TTC23: variants seen among roughly 807,000 people sequenced by gnomAD.
The protein encoded by TTC23 is tetratricopeptide repeat protein 23.
Under a neutral mutation model 55.1 loss-of-function variants are expected in TTC23, and 58 were observed. That is an observed-to-expected ratio of 1.05 (90% CI 0.85 to 1.31). TTC23 has a LOEUF of 1.31. Ranked by LOEUF, TTC23 falls within the 50% of genes most tolerant of loss-of-function variation. The pLI is 0.00. For missense variants in TTC23, 516 were observed against 534.4 expected (o/e 0.97, Z 0.34); for synonymous variants, 203 against 199.9 (o/e 1.02, Z -0.13).
At chr15:99,148,763 G>C (rs957158086) in intron 12 of TTC23, 1 of 152,212 alleles carries the variant, frequency 6.6e-6, no homozygotes, top group Non-Finnish European at 1.5e-5. Context: ...AGGTTTCTAT[G>C]TTGTACAAGT....
At chr15:99,232,478 C>CA (rs770961662) in intron 4 of TTC23, among the ~76,000 whole-genome samples, 1,529 of 98,396 alleles carry the variant, frequency 0.016, 19 homozygotes, top group African/African-American at 0.048. Context: ...GACTCCATCT[C>CA]AAAAAAAAAA....
intron 10 of TTC23, among the ~76,000 whole-genome samples, chr15:99,165,791 C>G (rs889083324): frequency 3.9e-5 from 6 of 152,148 alleles, no homozygotes; most frequent in Admixed American, 2.0e-4. Flanking sequence ...ACTTTGGCTA[C>G]TTTGATAATC....
intron 3 of TTC23, among the ~76,000 whole-genome samples, chr15:99,236,194 A>G (rs926600272): frequency 6.6e-6 from 1 of 152,094 alleles, no homozygotes; most frequent in Non-Finnish European, 1.5e-5. Flanking sequence ...TTATGTTTTT[A>G]GTTTTTGGAG....
chr15:99,206,871 T>A (rs1036086354), intron 8 of TTC23, among the ~76,000 whole-genome samples: 1 of 152,178 alleles, frequency 6.6e-6, no homozygotes, highest in Non-Finnish European at 1.5e-5. Context: ...CTTGATTTTC[T>A]AGTTCCTTAT....
intron 12 of TTC23, among the ~76,000 whole-genome samples, chr15:99,153,118 T>C (rs2070061512): frequency 6.6e-6 from 1 of 152,254 alleles, no homozygotes; most frequent in Non-Finnish European, 1.5e-5. Context: ...TCTTACTATA[T>C]GGAGGTGACA....
intron 9 of TTC23, 104 bp from the exon 10 acceptor site, chr15:99,175,259 G>T (rs1205465565): frequency 2.3e-6 from 2 of 874,114 alleles, no homozygotes; most frequent in Non-Finnish European, 3.6e-6. Context: ...GAACTTTCCA[G>T]CAAGCTAGAA....
At chr15:99,148,222 A>G (rs1232154837) in intron 12 of TTC23, among the ~76,000 whole-genome samples, 1 of 151,808 alleles carries the variant, frequency 6.6e-6, no homozygotes, top group Non-Finnish European at 1.5e-5. Flanking sequence ...TTAGCCAGGC[A>G]TGGTGGCACA....
chr15:99,218,863 A>G, intron 7 of TTC23, 35 bp downstream of exon 7: 1 of 1,603,892 alleles, frequency 6.2e-7, no homozygotes, highest in South Asian at 1.1e-5. Context: ...CGTGAATAGT[A>G]TTTCTATTTG....
chr15:99,227,842 C>T lies in TTC23; in HGVS notation c.180+691G>A, dbSNP rs555442561. ...AAGCACTGTTTACCAGTGCAGTCTA[C>T]GTAACTCCCATCCGAAGAAAGTGTG... is the stretch of plus-strand genomic sequence containing the variant. On this transcript the variant is annotated intron_variant, in intron 5 of 13. Coordinates refer to ENST00000394132, the MANE Select transcript of TTC23 (RefSeq NM_001288615.3). Among the ~76,000 whole-genome samples, 8 of 152,332 alleles carry T rather than the reference C, an allele frequency of 5.3e-5. No individual in the cohort carries two copies. The South Asian group carries it at 1.7e-3, about 32-fold the overall frequency.
At chr15:99,207,960 T>C (rs765283573) in intron 8 of TTC23, among the ~76,000 whole-genome samples, 16 of 152,212 alleles carry the variant, frequency 1.1e-4, no homozygotes, top group Non-Finnish European at 1.8e-4. Context: ...CCTGGGAATA[T>C]ACCTCAGAGA....
chr15:99,162,752 G>A (rs923139500), intron 10 of TTC23, among the ~76,000 whole-genome samples: 1 of 152,118 alleles, frequency 6.6e-6, no homozygotes, highest in African/African-American at 2.4e-5. Flanking sequence ...CTCCTGAGAT[G>A]AGCTTATGTT....
chr15:99,161,665 G>A (rs1249633752), intron 11 of TTC23, 75 bp downstream of exon 11: 2 of 1,516,696 alleles, frequency 1.3e-6, no homozygotes, highest in Non-Finnish European at 1.8e-6. Flanking sequence ...CTTAATGGAT[G>A]CTTGCAGAGT....
chr15:99,139,903 G>C (rs1295193165), intron 12 of TTC23: 2 of 453,016 alleles, frequency 4.4e-6, no homozygotes, highest in Non-Finnish European at 7.3e-6. Context: ...GCTTTGGCTT[G>C]ATTTCTCCCT....
intron 3 of TTC23, among the ~76,000 whole-genome samples, chr15:99,235,392 G>C (rs866168238): frequency 2.8e-5 from 4 of 141,580 alleles, no homozygotes; most frequent in Non-Finnish European, 4.5e-5. Context: ...TTGTTTTTGA[G>C]ACGGAGTCTT....
At chr15:99,238,324 T>C (rs536443619) in intron 3 of TTC23, among the ~76,000 whole-genome samples, 11 of 152,190 alleles carry the variant, frequency 7.2e-5, no homozygotes, top group African/African-American at 2.4e-4. Context: ...CTACAAACAA[T>C]GCACCAGGCT....
intron 9 of TTC23, among the ~76,000 whole-genome samples, chr15:99,191,111 G>C (rs1042363507): frequency 7.2e-5 from 11 of 151,996 alleles, no homozygotes; most frequent in African/African-American, 2.4e-4. Context: ...AGCTCAACTG[G>C]GACCTGGGGA....
chr15:99,179,537 T>C (rs902066363), intron 9 of TTC23, among the ~76,000 whole-genome samples: 17 of 152,366 alleles, frequency 1.1e-4, no homozygotes, highest in African/African-American at 3.8e-4. Flanking sequence ...AAGTTCTTGA[T>C]TGAACTCCAT....
chr15:99,195,808 G>C (rs1215070702), intron 9 of TTC23, among the ~76,000 whole-genome samples: 1 of 151,602 alleles, frequency 6.6e-6, no homozygotes, highest in Non-Finnish European at 1.5e-5. Context: ...ATGCATGGTG[G>C]GGGGCAGGGG....
At chr15:99,213,211 T>G (rs2077185404) in intron 8 of TTC23, among the ~76,000 whole-genome samples, 1 of 152,152 alleles carries the variant, frequency 6.6e-6, no homozygotes, top group Admixed American at 6.5e-5. Flanking sequence ...TGAATGAAAA[T>G]TATACAGTTT....
Sources: allele counts gnomAD v4.1 joint callset (sites outside exome capture counted in the v4.1 genomes callset), GRCh38; gene constraint gnomAD v4.1.1; transcripts MANE v1.5; gene names NCBI Gene and HGNC (gene_info 2026-07-23, HGNC 2026-07-21).